The following PCDHA3 variants were observed in gnomAD, a reference collection of about 807,000 sequenced individuals.
PCDHA3 encodes the protein protocadherin alpha 3.
A neutral mutation model predicts 62.2 loss-of-function variants in PCDHA3; 41 were observed. That is an observed-to-expected ratio of 0.66 (90% CI 0.51 to 0.86). The LOEUF is 0.86. Ranked by LOEUF, PCDHA3 falls within the 40% of genes least tolerant of loss-of-function variation. The pLI is 0.00. For missense variants in PCDHA3, 1,304 were observed against 1,241.2 expected, an observed-to-expected ratio of 1.05 and a Z score of -0.76; for synonymous variants, 640 against 555.4, an observed-to-expected ratio of 1.15 and a Z score of -2.14.
At chr5:140,983,437 A>C (rs1046174445) in intron 3 of PCDHA3, among the ~76,000 whole-genome samples, 1 of 152,202 alleles carries the variant, frequency 6.6e-6, no homozygotes, top group African/African-American at 2.4e-5. Flanking sequence ...AATTGTGTCT[A>C]CTCTAATCCT....
chr5:140,828,877 C>G (rs2150160055), intron 1 of PCDHA3: 9 of 1,614,072 alleles, frequency 5.6e-6, no homozygotes, highest in Non-Finnish European at 7.6e-6. Context: ...CAACAGTTAT[C>G]AGACTGAATG....
chr5:140,903,721 C>T (rs2070530222), intron 1 of PCDHA3, among the ~76,000 whole-genome samples: 1 of 152,152 alleles, frequency 6.6e-6, no homozygotes, highest in African/African-American at 2.4e-5. Flanking sequence ...ACAATTCTCC[C>T]TATTATCAAT....
intron 1 of PCDHA3, chr5:140,877,486 A>G: frequency 3.7e-6 from 6 of 1,613,722 alleles, no homozygotes; most frequent in Non-Finnish European, 5.1e-6. Flanking sequence ...GCTGGTGGAG[A>G]ACGGCCAGGC....
intron 1 of PCDHA3, chr5:140,842,957 G>A: frequency 6.3e-7 from 1 of 1,594,936 alleles, no homozygotes; most frequent in Middle Eastern, 1.8e-4. Flanking sequence ...GCCGCCTCTG[G>A]GCAGCAACGT....
intron 1 of PCDHA3, among the ~76,000 whole-genome samples, chr5:140,819,361 T>C (rs2150103983): frequency 9.2e-5 from 14 of 152,180 alleles, no homozygotes; most frequent in Non-Finnish European, 1.8e-4. Context: ...GATTAAATTT[T>C]CTTGTGTTAG....
intron 1 of PCDHA3, among the ~76,000 whole-genome samples, chr5:140,978,505 C>T (rs2096806553): frequency 6.6e-6 from 1 of 152,354 alleles, no homozygotes; most frequent in South Asian, 2.1e-4. Context: ...AGATTGCAGT[C>T]CTCTGCAGTC....
At chr5:140,988,831 A>G (rs1005821454) in intron 3 of PCDHA3, 6 of 152,208 alleles carry the variant, frequency 3.9e-5, no homozygotes, top group Non-Finnish European at 7.3e-5. Flanking sequence ...AACAGAGATC[A>G]CGTGTCTCCT....
chr5:140,809,044 C>T (rs782371963), intron 1 of PCDHA3: 1 of 1,613,900 alleles, frequency 6.2e-7, no homozygotes, highest in South Asian at 1.1e-5. Flanking sequence ...GTGGCGCGCG[C>T]ATCCCGTTCC....
chr5:140,808,540 C>T (rs782636671), intron 1 of PCDHA3: 75 of 1,614,030 alleles, frequency 4.6e-5, no homozygotes, highest in Non-Finnish European at 5.6e-5. Context: ...TGAACGACAA[C>T]GCTCCGGCGT....
intron 3 of PCDHA3, among the ~76,000 whole-genome samples, chr5:140,998,370 G>A (rs1321470929): frequency 2.6e-5 from 4 of 152,106 alleles, no homozygotes; most frequent in Admixed American, 1.3e-4. Flanking sequence ...TGCACACACC[G>A]TCTCTAGAAA....
At position 140,894,665 on chromosome 5, in the gene PCDHA3, G is replaced by T. The variant is rs189476056; in HGVS notation, c.2395-84284G>T. Among the ~76,000 whole-genome samples, 418 of 151,474 alleles carry T rather than the reference G, an allele frequency of 2.8e-3. 2 individuals are homozygous for T. Among genetic ancestry groups the T allele is most frequent in the Middle Eastern group, 0.011 (3 of 280 alleles). On this transcript the variant is annotated intron_variant, in intron 1 of 3. Transcript: ENST00000522353. ...CTGAGTCTCTCTAATTCTGATTTGT[G>T]TATTCTTGCATAGCTTTTCATTATT...
At chr5:140,966,989 G>C (rs879989091) in intron 1 of PCDHA3, 7 of 1,604,030 alleles carry the variant, frequency 4.4e-6, no homozygotes, top group Non-Finnish European at 5.1e-6. Context: ...CTTGGGGCCG[G>C]GTTGCTTGCG....
At chr5:140,832,820 T>C (rs1554133674) in intron 1 of PCDHA3, among the ~76,000 whole-genome samples, 1 of 152,208 alleles carries the variant, frequency 6.6e-6, no homozygotes, top group East Asian at 1.9e-4. Context: ...AAAAAAATCT[T>C]TGCCTTTTTC....
At chr5:140,962,601 C>T (rs1227208523) in intron 1 of PCDHA3, among the ~76,000 whole-genome samples, 1 of 152,160 alleles carries the variant, frequency 6.6e-6, no homozygotes, top group African/African-American at 2.4e-5. Context: ...TGATATATTT[C>T]TTCTGGAGGA....
intron 1 of PCDHA3, chr5:140,877,748 G>C: frequency 6.2e-7 from 1 of 1,614,188 alleles, no homozygotes; most frequent in Non-Finnish European, 8.5e-7. Flanking sequence ...CAGAGGGTGT[G>C]CTCTGCAGAG....
At chr5:140,994,248 G>A (rs188394827) in intron 3 of PCDHA3, among the ~76,000 whole-genome samples, 1 of 152,238 alleles carries the variant, frequency 6.6e-6, no homozygotes, top group East Asian at 1.9e-4. Flanking sequence ...TCAAACCCTA[G>A]GTAAATAAGG....
At chr5:140,875,979 C>T in intron 1 of PCDHA3, 5 of 1,613,984 alleles carry the variant, frequency 3.1e-6, no homozygotes, top group Non-Finnish European at 4.2e-6. Context: ...CTCTTTTGAC[C>T]TATGCGTTAA....
chr5:140,928,709 C>T (rs1563108337), intron 1 of PCDHA3: 1 of 1,614,180 alleles, frequency 6.2e-7, no homozygotes, highest in Non-Finnish European at 8.5e-7. Context: ...GCGTCTGACT[C>T]TAGTCTCTTT....
chr5:140,937,130 C>T (rs899242411), intron 1 of PCDHA3, among the ~76,000 whole-genome samples: 12 of 151,674 alleles, frequency 7.9e-5, no homozygotes, highest in Non-Finnish European at 1.3e-4. Flanking sequence ...CTCCGCCTCC[C>T]GGGTTCATGC....
Sources: gnomAD v4.1 joint callset for allele counts (sites outside exome capture counted in the v4.1 genomes callset) on GRCh38, gnomAD v4.1.1 for gene constraint, MANE v1.5 for transcripts, NCBI Gene and HGNC (gene_info 2026-07-23, HGNC 2026-07-21) for gene names.